Variants in ADAMTSL1 observed in about 807,000 individuals in gnomAD.
The protein encoded by ADAMTSL1 is ADAMTS-like protein 1.
ADAMTSL1 carries 126 observed loss-of-function variants against 201.8 expected under a neutral mutation model. The ratio of observed to expected loss-of-function variants is 0.62; its 90% CI spans 0.54 to 0.72. The LOEUF (loss-of-function observed/expected upper bound fraction) is 0.72. ADAMTSL1 is among the 30% of genes least tolerant of loss of function. The probability of loss-of-function intolerance (pLI) is 0.00; values close to 1 mark genes in which losing one functional copy is unlikely to be tolerated. For missense variants in ADAMTSL1, 2,679 were observed against 2,277.8 expected, an observed-to-expected ratio of 1.18 and a Z score of -3.59; for synonymous variants, 1,121 against 903.4, an observed-to-expected ratio of 1.24 and a Z score of -4.32.
chr9:18,809,829 G>C (rs1823394407), intron 20 of ADAMTSL1, among the ~76,000 whole-genome samples: 1 of 152,062 alleles, frequency 6.6e-6, no homozygotes. Flanking sequence ...TTGAAGTTTT[G>C]TTTTAATTGT....
At chr9:18,851,781 G>A (rs1826509260) in intron 23 of ADAMTSL1, among the ~76,000 whole-genome samples, 1 of 152,180 alleles carries the variant, frequency 6.6e-6, no homozygotes, top group African/African-American at 2.4e-5. Context: ...GCTCACTTGA[G>A]GCGTTTTTCC....
intron 1 of ADAMTSL1, among the ~76,000 whole-genome samples, chr9:18,122,669 A>C (rs1263394640): frequency 6.6e-6 from 1 of 152,224 alleles, no homozygotes; most frequent in Non-Finnish European, 1.5e-5. Context: ...GAATATATTC[A>C]TAGAGATTAG....
chr9:18,514,475 A>G (rs902693924), intron 2 of ADAMTSL1, among the ~76,000 whole-genome samples: 21 of 150,946 alleles, frequency 1.4e-4, no homozygotes, highest in South Asian at 2.1e-4. Flanking sequence ...GACTACAGGC[A>G]CCCGCCACCA....
At chr9:18,357,019 G>GTCAAAGCTGGGAGGCC (rs1260742891) in intron 2 of ADAMTSL1, among the ~76,000 whole-genome samples, 8 of 152,124 alleles carry the variant, frequency 5.3e-5, no homozygotes, top group African/African-American at 1.9e-4. Flanking sequence ...AAAGAATACT[G>GTCAAAGCTGGGAGGCC]TCAAAGCTGG....
intron 23 of ADAMTSL1, among the ~76,000 whole-genome samples, chr9:18,852,899 C>T (rs1233843331): frequency 1.3e-5 from 2 of 152,132 alleles, no homozygotes; most frequent in South Asian, 2.1e-4. Flanking sequence ...GCAAAGATTG[C>T]TGGTAAGGTA....
At chr9:18,217,449 C>G (rs1244820461) in intron 2 of ADAMTSL1, among the ~76,000 whole-genome samples, 2 of 152,130 alleles carry the variant, frequency 1.3e-5, no homozygotes, top group Non-Finnish European at 2.9e-5. Context: ...CCTCCTCTGT[C>G]TGTCACCTTA....
intron 1 of ADAMTSL1, among the ~76,000 whole-genome samples, chr9:18,032,891 G>T (rs1301487947): frequency 8.7e-6 from 1 of 115,020 alleles, no homozygotes; most frequent in Non-Finnish European, 2.0e-5. Context: ...GTGACTCTGT[G>T]TGGGGCTTCC....
intron 16 of ADAMTSL1, among the ~76,000 whole-genome samples, chr9:18,765,773 C>T (rs1820321176): frequency 6.6e-6 from 1 of 152,110 alleles, no homozygotes. Context: ...AAAATCTCTT[C>T]CTTCATAGAG....
At position 18,311,198 on chromosome 9, in the gene ADAMTSL1, C is replaced by T. The variant is rs189084519; in HGVS notation, c.207+147217C>T. Among the ~76,000 whole-genome samples, 32 of 151,466 alleles carry T rather than the reference C, an allele frequency of 2.1e-4. No individual in the cohort carries two copies. The East Asian group carries it at 6.1e-3, about 29-fold the overall frequency. On this transcript the variant is annotated intron_variant, in intron 2 of 29. Transcript: ENST00000680146. Reference sequence around the variant, plus strand: ...GGAGGGGAACATCACATACTGAGGCCTGTCAGGGGGTGGGGGGCTAGGGTA... The same window carrying T: ...GGAGGGGAACATCACATACTGAGGCTTGTCAGGGGGTGGGGGGCTAGGGTA...
intron 1 of ADAMTSL1, among the ~76,000 whole-genome samples, chr9:18,488,474 A>AC (rs1373356564): frequency 6.6e-6 from 1 of 152,168 alleles, no homozygotes. Flanking sequence ...TCTGATACAC[A>AC]CCAACATTTG....
intron 1 of ADAMTSL1, among the ~76,000 whole-genome samples, chr9:18,079,152 C>T (rs1389439665): frequency 3.9e-5 from 6 of 152,152 alleles, no homozygotes; most frequent in Admixed American, 3.9e-4. Flanking sequence ...GTACTAGGCT[C>T]ATTGTCTAGC....
In ADAMTSL1 at chr9:18,681,944, T is replaced by A. The variant is rs935089533; in HGVS notation, c.1474T>A (p.Cys492Ser). The A allele has an allele frequency of 1.1e-5, 17 of 1,614,116 alleles. No homozygotes were observed. The highest frequency in any genetic ancestry group is 1.4e-5 in the Non-Finnish European group (17 of 1,179,990). Reference sequence around the variant, plus strand: ...AGAGGAATGCATCGTACCCACTCCCTGCTATAAACCCAAAGGTAACTTGAC... The same window carrying A: ...AGAGGAATGCATCGTACCCACTCCCAGCTATAAACCCAAAGGTAACTTGAC... ...IKEECIVPTP[C>S]YKPKEKLPVE... Residue 492 changes from cysteine to serine, a missense_variant, in exon 12 of 29, where the codon TGC (cysteine) becomes AGC (serine). Physicochemically the swap from Cys to Ser is moderately radical, Grantham distance 112 (BLOSUM62 -1). Coordinates refer to ENST00000380548, the MANE Select transcript of ADAMTSL1 (RefSeq NM_001040272.6).
intron 20 of ADAMTSL1, among the ~76,000 whole-genome samples, chr9:18,806,818 T>C (rs1319892937): frequency 2.0e-5 from 3 of 152,198 alleles, no homozygotes; most frequent in Non-Finnish European, 4.4e-5. Flanking sequence ...TGGTGCCTGG[T>C]TGGCTGAACA....
intron 1 of ADAMTSL1, among the ~76,000 whole-genome samples, chr9:18,019,088 G>A (rs2131578462): frequency 6.6e-6 from 1 of 152,156 alleles, no homozygotes; most frequent in South Asian, 2.1e-4. Flanking sequence ...TCGAAAAACT[G>A]GAGGAAGGGG....
intron 1 of ADAMTSL1, among the ~76,000 whole-genome samples, chr9:17,912,912 A>G (rs1455559097): frequency 6.6e-6 from 1 of 152,090 alleles, no homozygotes; most frequent in Non-Finnish European, 1.5e-5. Context: ...ATGGCTAGCC[A>G]GTTTTCCCAG....
intron 2 of ADAMTSL1, among the ~76,000 whole-genome samples, chr9:18,226,021 T>C (rs1450125043): frequency 2.0e-5 from 3 of 152,146 alleles, no homozygotes; most frequent in African/African-American, 7.2e-5. Context: ...TTATATTTAA[T>C]AGGAATTTAG....
chr9:18,471,895 A>C (rs576803191), upstream of ADAMTSL1, among the ~76,000 whole-genome samples: 2 of 152,392 alleles, frequency 1.3e-5, no homozygotes, highest in African/African-American at 4.8e-5. Flanking sequence ...TTTGCAAAGC[A>C]GAAAAGAATC....
chr9:17,921,966 C>T (rs80118911), intron 1 of ADAMTSL1, among the ~76,000 whole-genome samples: 54 of 152,034 alleles, frequency 3.6e-4, no homozygotes, highest in African/African-American at 1.3e-3. Flanking sequence ...TACATTTTGA[C>T]ATTCATATTT....
At position 18,474,296 on chromosome 9, in the gene ADAMTSL1, G is replaced by A; in HGVS notation, c.63+1G>A. The A allele has an allele frequency of 6.2e-7, 1 of 1,614,072 alleles. No individual in the cohort carries two copies. The highest frequency in any genetic ancestry group is 2.2e-5 in the East Asian group (1 of 44,876). ...CCTCTTTCTGGCTTTCCTGCTCCTGGTAAATGCCTTTTCATTTCAATGCAT... is the reference window on the plus strand; with the variant it reads ...CCTCTTTCTGGCTTTCCTGCTCCTGATAAATGCCTTTTCATTTCAATGCAT... On this transcript the variant is annotated splice_donor_variant, in intron 1 of 28. Transcript: ENST00000380548. LOFTEE classifies it high-confidence loss of function.
Sources: allele counts gnomAD v4.1 joint callset (sites outside exome capture counted in the v4.1 genomes callset), GRCh38; gene constraint gnomAD v4.1.1; transcripts MANE v1.5; gene names NCBI Gene and HGNC (gene_info 2026-07-23, HGNC 2026-07-21).